USF2: variants seen among roughly 807,000 people sequenced by gnomAD.
USF2 encodes the protein upstream transcription factor 2, c-fos interacting.
USF2 carries 16 observed loss-of-function variants against 46.9 expected under a neutral mutation model. The ratio of observed to expected loss-of-function variants is 0.34; its 90% confidence interval spans 0.23 to 0.52. USF2 has a LOEUF of 0.52. Ranked by LOEUF, USF2 falls within the 20% of genes least tolerant of loss-of-function variation. The pLI, the probability that USF2 is intolerant of heterozygous loss-of-function variation, is 0.96. For missense variants in USF2, 411 were observed against 474.0 expected (o/e 0.87, Z 1.23); for synonymous variants, 239 against 194.1 (o/e 1.23, Z -1.92).
Position 35,279,260 on chromosome 19 carries a change from C to T in USF2, c.*4C>T. 1 of 1,516,548 alleles carries T rather than the reference C, an allele frequency of 6.6e-7. No individual in the cohort carries two copies. The highest frequency in any genetic ancestry group is 8.8e-7 in the Non-Finnish European group (1 of 1,131,220). The allele number at this position is 1,516,548 out of a possible 1,614,324, so 93.9% of individuals were successfully genotyped here. On this transcript the variant is annotated 3_prime_UTR_variant, in exon 10 of 10. Transcript: ENST00000222305. Reference sequence around the variant, plus strand: ...GGGCGAGGGCACCCGGCAGTGACGCCCGCCACCACCACGCAGCCGCCGCCG... The same window carrying T: ...GGGCGAGGGCACCCGGCAGTGACGCTCGCCACCACCACGCAGCCGCCGCCG...
intron 7 of USF2, among the ~76,000 whole-genome samples, chr19:35,276,069 C>CT (rs752967792): frequency 0.26 from 29,474 of 111,914 alleles, 5,085 homozygotes; most frequent in South Asian, 0.31. Flanking sequence ...TGAATTTTCT[C>CT]TTTTTTTTTT....
At chr19:35,270,410 G>A (rs762668567) in intron 4 of USF2, 37 bp from the exon 5 acceptor site, 2 of 1,592,646 alleles carry the variant, frequency 1.3e-6, no homozygotes, top group Non-Finnish European at 1.7e-6. Context: ...GAGGAACAGA[G>A]AAAGCTAAGG....
At chr19:35,277,130 C>A (rs1308688896) in intron 7 of USF2, 13 of 152,392 alleles carry the variant, frequency 8.5e-5, no homozygotes, top group Admixed American at 8.5e-4. Context: ...CTCTCAGCTC[C>A]GCTGCTGCTT....
In USF2 at chr19:35,269,847, C is replaced by A; in HGVS notation, c.273C>A (p.Gly91=). ...VVQVTDGQLD[G]QGDTAGAVSV... is the part of the protein sequence containing the mutation. ...AGGTGACTGATGGTCAGCTGGACGG[C>A]CAGGGCGACACAGCTGGCGCCGTCA... The change falls in exon 4 of 10, where the codon GGC becomes GGA. Residue 91 remains glycine (G), a synonymous_variant. Coordinates refer to ENST00000222305, the MANE Select transcript of USF2 (RefSeq NM_003367.4). 6.9e-7 allele frequency: 1 copy of A among 1,440,792 alleles called. No individual in the cohort carries two copies. The allele number at this position is 1,440,792 out of a possible 1,614,324, so 89.3% of individuals were successfully genotyped here.
intron 7 of USF2, chr19:35,278,471 C>G: frequency 2.0e-6 from 1 of 510,844 alleles, no homozygotes; most frequent in Non-Finnish European, 3.5e-6. Flanking sequence ...GATGCCCGTC[C>G]TAAAAGCATG....
chr19:35,272,144 A>C (rs1014360104), intron 7 of USF2, among the ~76,000 whole-genome samples: 6 of 152,162 alleles, frequency 3.9e-5, no homozygotes, highest in African/African-American at 9.7e-5. Context: ...GCGTTCATTC[A>C]GCGCGTGCAT....
chr19:35,272,367 C>G (rs972178667), intron 7 of USF2, among the ~76,000 whole-genome samples: 1 of 151,960 alleles, frequency 6.6e-6, no homozygotes, highest in Non-Finnish European at 1.5e-5. Flanking sequence ...AAGGGCTCTT[C>G]GAGAGGTGAC....
At chr19:35,269,237 G>T (rs2066101517) in intron 1 of USF2, 74 bp downstream of exon 1, 7 of 962,528 alleles carry the variant, frequency 7.3e-6, no homozygotes, top group Non-Finnish European at 8.6e-6. Context: ...GGCCGGGGCC[G>T]CCATGATCCC....
Position 35,269,912 on chromosome 19 carries a change from C to G in USF2, c.338C>G (p.Ala113Gly), listed in dbSNP as rs1191306963. Reference sequence around the variant, plus strand: ...GCTGCCTTCGCGGGGGGGCAGCAGGCTGTGACCCAGGTGGGTGTGGACGGG... The same window carrying G: ...GCTGCCTTCGCGGGGGGGCAGCAGGGTGTGACCCAGGTGGGTGTGGACGGG... ...STAAFAGGQQ[A>G]VTQVGVDGAA... Residue 113 changes from alanine to glycine, a missense_variant, in exon 4 of 10, where the codon GCT becomes GGT. Coordinates refer to ENST00000222305, the MANE Select transcript of USF2 (RefSeq NM_003367.4). 1.6e-5 allele frequency: 22 copies of G among 1,376,686 alleles called. No individual in the cohort carries two copies. Among genetic ancestry groups the G allele is most frequent in the Non-Finnish European group, 2.0e-5 (22 of 1,073,782 alleles). 85.3% of individuals were successfully genotyped at this position (1,376,686 alleles called of 1,614,324 possible).
intron 7 of USF2, chr19:35,278,428 G>C (rs1355888709): frequency 6.8e-6 from 3 of 443,670 alleles, no homozygotes; most frequent in African/African-American, 2.0e-5. Flanking sequence ...GGTGGGGCAG[G>C]CCTGCAAAAT....
At position 35,279,755 on chromosome 19, in the gene USF2, CAAAAA is replaced by C. The variant is rs112770146; in HGVS notation, c.*505_*509del. 1 of 149,426 alleles carries C rather than the reference CAAAAA, an allele frequency of 6.7e-6. No homozygotes were observed. Among genetic ancestry groups the C allele is most frequent in the African/African-American group, 2.5e-5 (1 of 39,392 alleles). 9.3% of individuals were successfully genotyped at this position (149,426 alleles called of 1,614,324 possible). A position where few individuals can be genotyped will look rare whatever the true frequency, so the allele number is the denominator to read the frequency against. ...TTAATTTTCTTTATGGAAAAATTGA[CAAAAA>C]AAAAATAGAGAGAGAGGTATTTAAC... On this transcript the variant is annotated 3_prime_UTR_variant, in exon 10 of 10. Coordinates refer to ENST00000222305, the MANE Select transcript of USF2 (RefSeq NM_003367.4).
intron 7 of USF2, among the ~76,000 whole-genome samples, chr19:35,274,922 C>G (rs1356834079): frequency 1.3e-5 from 2 of 151,306 alleles, no homozygotes; most frequent in Non-Finnish European, 2.9e-5. Context: ...GCCACTGTTG[C>G]CAGAAACTCT....
At chr19:35,274,682 A>G (rs930310765) in intron 7 of USF2, among the ~76,000 whole-genome samples, 1 of 152,206 alleles carries the variant, frequency 6.6e-6, no homozygotes, top group Non-Finnish European at 1.5e-5. Flanking sequence ...ACATGCCTGT[A>G]ACAGTCCCAG....
intron 7 of USF2, among the ~76,000 whole-genome samples, chr19:35,274,043 C>G (rs1166417535): frequency 6.6e-6 from 1 of 152,244 alleles, no homozygotes; most frequent in Admixed American, 6.5e-5. Context: ...CAGGCTTCGC[C>G]CACCACCTGG....
In USF2 at chr19:35,279,545, G is replaced by T; in HGVS notation, c.*289G>T. 1 of 390,140 alleles carries T rather than the reference G, an allele frequency of 2.6e-6. No homozygotes were observed. The highest frequency in any genetic ancestry group is 4.6e-6 in the Non-Finnish European group (1 of 218,962). 24.2% of individuals were successfully genotyped at this position (390,140 alleles called of 1,614,324 possible). A position where few individuals can be genotyped will look rare whatever the true frequency, so the allele number is the denominator to read the frequency against. On this transcript the variant is annotated 3_prime_UTR_variant, in exon 10 of 10. Coordinates refer to ENST00000222305, the MANE Select transcript of USF2 (RefSeq NM_003367.4). Reference sequence around the variant, plus strand: ...GGTCTCACCTGGAGGCAAGAGGGAGGGGACAGAGGCCCTGCCACGTCCCGC... The same window carrying T: ...GGTCTCACCTGGAGGCAAGAGGGAGTGGACAGAGGCCCTGCCACGTCCCGC...
At chr19:35,272,274 TCAGGCAGTG>T (rs1399688671) in intron 7 of USF2, among the ~76,000 whole-genome samples, 2 of 152,234 alleles carry the variant, frequency 1.3e-5, no homozygotes, top group African/African-American at 2.4e-5. Flanking sequence ...CACAGCCGCA[TCAGGCAGTG>T]CAGGCAGTCA....
intron 7 of USF2, among the ~76,000 whole-genome samples, chr19:35,272,016 A>T (rs1361690909): frequency 6.6e-6 from 1 of 152,202 alleles, no homozygotes; most frequent in East Asian, 1.9e-4. Flanking sequence ...AGGAGGGAAG[A>T]TCGGGAAGGC....
rs2066133390 is a variant in USF2, at chr19:35,270,370, C to A, written c.430-77C>A. ...TGTTAATTGCAGAGAATGCAGTAAA[C>A]CCCAAGCACAGCAATGAGGGGACGG... On this transcript the variant is annotated intron_variant, in intron 4 of 9. Coordinates refer to ENST00000222305, the MANE Select transcript of USF2 (RefSeq NM_003367.4). 6 of 1,555,596 alleles carry A rather than the reference C, an allele frequency of 3.9e-6. No individual in the cohort carries two copies. The East Asian group carries it at 1.4e-4, about 35-fold the overall frequency.
chr19:35,277,336 G>A (rs2066248384), intron 7 of USF2: 1 of 153,352 alleles, frequency 6.5e-6, no homozygotes, highest in South Asian at 2.1e-4. Context: ...GGGAAGAGAG[G>A]TCACGGTGGG....
Sources: allele counts gnomAD v4.1 joint callset (sites outside exome capture counted in the v4.1 genomes callset), GRCh38; gene constraint gnomAD v4.1.1; transcripts MANE v1.5; gene names NCBI Gene and HGNC (gene_info 2026-07-23, HGNC 2026-07-21).